ZC3H12D: variants seen among roughly 807,000 people sequenced by gnomAD.
ZC3H12D encodes the protein zinc finger CCCH-type containing 12D.
In ZC3H12D, 11 loss-of-function variants were observed where a neutral mutation model predicts 24.2. The ratio of observed to expected loss-of-function variants is 0.46; its 90% CI spans 0.29 to 0.75. ZC3H12D has a LOEUF of 0.75. ZC3H12D is among the 30% of genes least tolerant of loss of function. The pLI is 0.11. For missense variants in ZC3H12D, 740 were observed against 767.7 expected (o/e 0.96, Z 0.43); for synonymous variants, 333 against 341.8 (o/e 0.97, Z 0.28).
At chr6:149,461,766 G>A (rs538896039) in intron 3 of ZC3H12D, 65 bp downstream of exon 3, 1,158 of 1,466,996 alleles carry the variant, frequency 7.9e-4, no homozygotes, top group Non-Finnish European at 9.3e-4. Context: ...TTTGACTATC[G>A]ATGTTAGAAG....
rs955641622 is a variant in ZC3H12D, at chr6:149,456,692, C to G, written c.654G>C (p.Leu218=). 6.2e-7 allele frequency: 1 copy of G among 1,613,416 alleles called. No homozygotes were observed. ...PEWKWFIEQR[L]LMFSFVNDRF... is the part of the protein sequence containing the mutation. ...GGTCGTTGACGAAGGAGAACATGAG[C>G]AGCCTCTGCTCGATGAACCACTTCC... is the stretch of plus-strand genomic sequence containing the variant. Residue 218 remains leucine, a synonymous_variant, in exon 4 of 6, where the codon CTG becomes CTC. Transcript: ENST00000409806. This position sits in a 1 kb window ranked among gnomAD's most constrained non-coding sequence, Gnocchi z 4.3.
chr6:149,465,167 A>C (rs1009418340), intron 2 of ZC3H12D, among the ~76,000 whole-genome samples: 2 of 152,048 alleles, frequency 1.3e-5, no homozygotes, highest in African/African-American at 4.8e-5. Context: ...CAGCCTGACC[A>C]ACATGGTGAA....
At chr6:149,454,897 C>T (rs1775955704) in intron 4 of ZC3H12D, among the ~76,000 whole-genome samples, 1 of 152,250 alleles carries the variant, frequency 6.6e-6, no homozygotes, top group Non-Finnish European at 1.5e-5. Context: ...GCTGCCATGC[C>T]TCTGGCCCTC....
chr6:149,474,259 A>AG lies in ZC3H12D; in HGVS notation c.284_285insC (p.Gly96TrpfsTer11). 1 of 1,488,278 alleles carries AG rather than the reference A, an allele frequency of 6.7e-7. No homozygotes were observed. The highest frequency in any genetic ancestry group is 9.0e-7 in the Non-Finnish European group (1 of 1,109,576). 92.2% of individuals were successfully genotyped at this position (1,488,278 alleles called of 1,614,324 possible). On this transcript the variant is annotated frameshift_variant, in exon 2 of 6. Transcript: ENST00000409806. LOFTEE classifies it high-confidence loss of function. ...GCTACCTCATCGCCACGTTGCTGCC[A>AG]TCAATCACTATGGGTCGCAGAGAAC...
At chr6:149,469,935 A>G (rs906527561) in intron 2 of ZC3H12D, among the ~76,000 whole-genome samples, 1 of 152,120 alleles carries the variant, frequency 6.6e-6, no homozygotes, top group Non-Finnish European at 1.5e-5. Context: ...AGCAGAAGGA[A>G]TGGTAATGTC....
At position 149,456,630 on chromosome 6, in the gene ZC3H12D, C is replaced by CCCCCCCCCGGGGGGAGG; in HGVS notation, c.680+35_680+36insCCTCCCCCCGGGGGGGG. 7.0e-7 allele frequency: 1 copy of CCCCCCCCCGGGGGGAGG among 1,426,540 alleles called. No individual in the cohort carries two copies. The highest frequency in any genetic ancestry group is 9.8e-7 in the Non-Finnish European group (1 of 1,016,150). 88.4% of individuals were successfully genotyped at this position (1,426,540 alleles called of 1,614,324 possible). On this transcript the variant is annotated intron_variant, in intron 4 of 5. Transcript: ENST00000409806. This position sits in a 1 kb window ranked among gnomAD's most constrained non-coding sequence, Gnocchi z 4.3. Reference sequence around the variant, plus strand: ...CCTCGACCCCGGCCCCCCGCCCCGCCGCCCCCCAGGGTGTCAGGACCCCAG... The same window carrying CCCCCCCCCGGGGGGAGG: ...CCTCGACCCCGGCCCCCCGCCCCGCCCCCCCCCCGGGGGGAGGGCCCCCCAGGGTGTCAGGACCCCAG...
In ZC3H12D at chr6:149,447,502, A is replaced by C. The variant is rs1460113729; in HGVS notation, c.*3181T>G. ...CTCCTGAACTCATGAAGCCCACCAA[A>C]GTGCTGGGATTACAGACATGAGCCA... On this transcript the variant is annotated 3_prime_UTR_variant, in exon 6 of 6. Transcript: ENST00000409806. The C allele has an allele frequency of 1.3e-5, 2 of 152,170 alleles. No individual in the cohort carries two copies. The highest frequency in any genetic ancestry group is 2.9e-5 in the Non-Finnish European group (2 of 68,056). 9.4% of individuals were successfully genotyped at this position (152,170 alleles called of 1,614,324 possible).
intron 2 of ZC3H12D, 98 bp downstream of exon 2, chr6:149,474,141 A>G (rs991402663): frequency 1.8e-6 from 2 of 1,128,554 alleles, no homozygotes; most frequent in African/African-American, 1.6e-5. Context: ...GTTGGCCCCA[A>G]AGCTCTTTGG....
intron 2 of ZC3H12D, among the ~76,000 whole-genome samples, chr6:149,470,932 G>A (rs1776234079): frequency 6.6e-6 from 1 of 152,214 alleles, no homozygotes; most frequent in Admixed American, 6.5e-5. Flanking sequence ...GGCAGCCCTG[G>A]CCTAGCGGTC....
chr6:149,451,438 G>C lies in ZC3H12D; in HGVS notation c.829C>G (p.Pro277Ala). The C allele has an allele frequency of 6.3e-7, 1 of 1,576,826 alleles. No individual in the cohort carries two copies. Among genetic ancestry groups the C allele is most frequent in the Non-Finnish European group, 8.5e-7 (1 of 1,171,124 alleles). Residue 277 changes from proline (P) to alanine (A), a missense_variant, in exon 6 of 6, where the codon CCG becomes GCG. Coordinates refer to ENST00000409806, the MANE Select transcript of ZC3H12D (RefSeq NM_207360.3). ...TYGIKCKFYH[P>A]ERPHHAQLAV... ...AGTTGCGCGTGGTGCGGCCTCTCCG[G>C]GTGGTAGAACTTGCACTTGATGCCA...
intron 2 of ZC3H12D, among the ~76,000 whole-genome samples, chr6:149,467,547 C>T (rs924924164): frequency 4.6e-5 from 7 of 151,980 alleles, no homozygotes; most frequent in African/African-American, 1.2e-4. Flanking sequence ...AGCCACTGCG[C>T]CTGGCCTTGG....
At chr6:149,467,289 G>A (rs764957016) in intron 2 of ZC3H12D, among the ~76,000 whole-genome samples, 7 of 151,874 alleles carry the variant, frequency 4.6e-5, no homozygotes, top group Non-Finnish European at 7.4e-5. Flanking sequence ...GTCTCATTCT[G>A]TTACCCAGGC....
In ZC3H12D at chr6:149,450,645, C is replaced by A; in HGVS notation, c.*38G>T. On this transcript the variant is annotated 3_prime_UTR_variant, in exon 6 of 6. Coordinates refer to ENST00000409806, the MANE Select transcript of ZC3H12D (RefSeq NM_207360.3). ...AGGTCCACCCGTCCAAGACGCAAGG[C>A]GAGGCTGGGCCATTCCCTGCAAGTG... The A allele has an allele frequency of 6.8e-7, 1 of 1,468,818 alleles. No homozygotes were observed. Among genetic ancestry groups the A allele is most frequent in the Non-Finnish European group, 9.0e-7 (1 of 1,106,580 alleles). The allele number at this position is 1,468,818 out of a possible 1,614,324, so 91.0% of individuals were successfully genotyped here.
Position 149,456,830 on chromosome 6 carries a change from G to C in ZC3H12D, c.516C>G (p.Gly172=). 6.2e-7 allele frequency: 1 copy of C among 1,611,956 alleles called. No individual in the cohort carries two copies. The highest frequency in any genetic ancestry group is 8.5e-7 in the Non-Finnish European group (1 of 1,179,764). The change falls in exon 4 of 6, where the codon GGC becomes GGG. Residue 172 remains glycine, a synonymous_variant. Transcript: ENST00000409806. This position sits in a 1 kb window ranked among gnomAD's most constrained non-coding sequence, Gnocchi z 4.3. The part of the protein sequence containing the change: ...LVYTPSRKVH[G]KRLVCYDDRY... Reference sequence around the variant, plus strand: ...GGTCGTCGTAGCAGACCAGGCGCTTGCCGTGCACCTTGCGGGACGGCGTGT... The same window carrying C: ...GGTCGTCGTAGCAGACCAGGCGCTTCCCGTGCACCTTGCGGGACGGCGTGT...
Position 149,482,089 on chromosome 6 carries a change from C to T in ZC3H12D, c.-71+2724G>A, listed in dbSNP as rs141742489. ...GGCCCTCGGGGCACAGCCCACAGCC[C>T]GTTTTCTGAGGAGACTGAAAGGGGC... On this transcript the variant is annotated intron_variant, in intron 1 of 5. Coordinates refer to ENST00000409806, the MANE Select transcript of ZC3H12D (RefSeq NM_207360.3). Among the ~76,000 whole-genome samples, 9 of 152,360 alleles carry T rather than the reference C, an allele frequency of 5.9e-5. No individual in the cohort carries two copies. The East Asian group carries it at 7.7e-4, about 13-fold the overall frequency.
chr6:149,478,228 T>G, intron 1 of ZC3H12D, among the ~76,000 whole-genome samples: 1 of 152,014 alleles, frequency 6.6e-6, no homozygotes, highest in East Asian at 1.9e-4. Context: ...TGTACTTTAC[T>G]CTTATCCTCT....
intron 3 of ZC3H12D, among the ~76,000 whole-genome samples, 163 bp from the exon 4 acceptor site, chr6:149,457,063 C>T (rs1342065360): frequency 6.6e-6 from 1 of 152,232 alleles, no homozygotes; most frequent in African/African-American, 2.4e-5. Context: ...GCTCCTTTCA[C>T]TCAATTTCAC....
intron 5 of ZC3H12D, 41 bp from the exon 6 acceptor site, chr6:149,451,520 G>T: frequency 6.7e-7 from 1 of 1,501,438 alleles, no homozygotes; most frequent in Non-Finnish European, 8.9e-7. Context: ...CGTGAGGCCC[G>T]GGGGCGCGGA....
intron 1 of ZC3H12D, among the ~76,000 whole-genome samples, chr6:149,474,815 C>T (rs1397057342): frequency 1.3e-5 from 2 of 152,200 alleles, no homozygotes; most frequent in African/African-American, 4.8e-5. Context: ...TCACTGAGGC[C>T]TTCACCCCAC....
Sources: gnomAD v4.1 joint callset for allele counts (sites outside exome capture counted in the v4.1 genomes callset) on GRCh38, gnomAD v4.1.1 for gene constraint, Gnocchi (gnomAD v3.1) non-coding constraint, MANE v1.5 for transcripts, NCBI Gene and HGNC (gene_info 2026-07-23, HGNC 2026-07-21) for gene names.